Variants in KIF20B observed in about 807,000 individuals in gnomAD.
KIF20B encodes the protein kinesin family member 20B, also known as kinesin-like protein KIF20B.
KIF20B carries 188 observed loss-of-function variants against 232.5 expected under a neutral mutation model. The observed-to-expected ratio is 0.81, with a 90% CI of 0.72 to 0.91. The LOEUF (loss-of-function observed/expected upper bound fraction) is 0.91. Ranked by LOEUF, KIF20B falls within the 40% of genes least tolerant of loss-of-function variation. The pLI, the probability that KIF20B is intolerant of heterozygous loss-of-function variation, is 0.00. For synonymous variants in KIF20B, 712 were observed against 683.0 expected, an observed-to-expected ratio of 1.04 and a Z score of -0.66; for missense variants, 2,154 against 2,055.9, an observed-to-expected ratio of 1.05 and a Z score of -0.92.
intron 24 of KIF20B, among the ~76,000 whole-genome samples, chr10:89,751,676 G>C (rs1216813153): frequency 6.6e-6 from 1 of 151,310 alleles, no homozygotes; most frequent in Non-Finnish European, 1.5e-5. Context: ...AAAGGAGTAA[G>C]GACACTGCAT....
Position 89,725,498 on chromosome 10 carries a change from C to T in KIF20B, c.2001+340C>T, listed in dbSNP as rs149611297. On this transcript the variant is annotated intron_variant, in intron 15 of 32. Transcript: ENST00000371728. ...TTTTAAAGGTGTAAGAGACCTAAGA[C>T]GTCATTTACTTGCTGTTCTGATTAA... Among the ~76,000 whole-genome samples the T allele has an allele frequency of 3.0e-3, 463 of 152,146 alleles. 3 individuals carry two copies. Among genetic ancestry groups the T allele is most frequent in the African/African-American group, 0.01 (429 of 41,530 alleles).
chr10:89,720,793 C>T (rs577588337), intron 13 of KIF20B, among the ~76,000 whole-genome samples: 2 of 152,270 alleles, frequency 1.3e-5, no homozygotes, highest in East Asian at 3.9e-4. Context: ...GCAACCTCTG[C>T]CTCCTGGGTT....
At chr10:89,713,377 AT>A (rs1373197620) in intron 6 of KIF20B, among the ~76,000 whole-genome samples, 13 of 151,282 alleles carry the variant, frequency 8.6e-5, no homozygotes, top group African/African-American at 2.9e-4. Context: ...AAAAAAAAAA[AT>A]TCTAACAAGT....
intron 13 of KIF20B, chr10:89,723,752 G>A: frequency 2.8e-6 from 1 of 350,910 alleles, no homozygotes; most frequent in East Asian, 5.6e-5. Context: ...GTTACCAAAG[G>A]TCTATTTCTA....
chr10:89,758,935 TTGAC>T (rs1435792652), intron 27 of KIF20B, 53 bp downstream of exon 27: 6 of 1,117,716 alleles, frequency 5.4e-6, no homozygotes, highest in Admixed American at 2.9e-5. Flanking sequence ...AATTACTTAA[TTGAC>T]TAACTCTTAA....
chr10:89,702,716 C>A (rs1431053173), intron 1 of KIF20B, among the ~76,000 whole-genome samples: 1 of 150,830 alleles, frequency 6.6e-6, no homozygotes, highest in Non-Finnish European at 1.5e-5. Context: ...GGTCTTGGAG[C>A]CTGCTGTCAC....
intron 23 of KIF20B, among the ~76,000 whole-genome samples, chr10:89,746,160 C>G (rs1478868312): frequency 2.6e-5 from 4 of 152,216 alleles, no homozygotes; most frequent in African/African-American, 7.2e-5. Flanking sequence ...CTGAAGGCCC[C>G]AGTGGGCGTG....
intron 19 of KIF20B, among the ~76,000 whole-genome samples, chr10:89,735,162 A>C (rs1189594878): frequency 6.6e-6 from 1 of 152,220 alleles, no homozygotes; most frequent in Non-Finnish European, 1.5e-5. Flanking sequence ...TGTAACTGGA[A>C]TATGTCAGAT....
chr10:89,715,992 A>AAAATAAATAAATAAAT (rs372772817), intron 8 of KIF20B, among the ~76,000 whole-genome samples: 17,486 of 148,844 alleles, frequency 0.12, 1,102 homozygotes, highest in South Asian at 0.17. Flanking sequence ...CCTTGTCTCC[A>AAAATAAATAAATAAAT]AAATAAATAA....
chr10:89,738,585 A>G lies in KIF20B; in HGVS notation c.3744A>G (p.Glu1248=), dbSNP rs759279576. The stretch of plus-strand genomic sequence containing the variant: ...AACATTTACTTCAATTAAAAGAAGA[A>G]GAAGAAGAAACCAACAGGCAAGAAA... The part of the protein sequence containing the change: ...DMKHLLQLKE[E]EEETNRQETE... Residue 1248 remains glutamate (E), a synonymous_variant, in exon 20 of 33, where the codon GAA becomes GAG. Transcript: ENST00000371728. The G allele has an allele frequency of 5.1e-6, 8 of 1,561,884 alleles. No individual in the cohort carries two copies. The African/African-American group carries it at 1.1e-4, about 22-fold the overall frequency.
At chr10:89,754,338 C>G (rs568632012) in intron 25 of KIF20B, among the ~76,000 whole-genome samples, 180 bp from the exon 26 acceptor site, 1 of 152,020 alleles carries the variant, frequency 6.6e-6, no homozygotes, top group African/African-American at 2.4e-5. Flanking sequence ...TTTAGGAAAG[C>G]AAACCAGTTA....
At chr10:89,732,436 T>A (rs900345810) in intron 18 of KIF20B, among the ~76,000 whole-genome samples, 3 of 151,990 alleles carry the variant, frequency 2.0e-5, no homozygotes, top group African/African-American at 7.3e-5. Context: ...ACTAGCCTTT[T>A]CAAGGGAGGC....
At chr10:89,732,773 T>A (rs1231795077) in intron 18 of KIF20B, 130 bp from the exon 19 acceptor site, 8 of 766,454 alleles carry the variant, frequency 1.0e-5, no homozygotes, top group Non-Finnish European at 1.5e-5. Flanking sequence ...ACTTAAGAAA[T>A]AACTTAGAAA....
Position 89,718,800 on chromosome 10 carries a change from C to T in KIF20B, c.1362C>T (p.Val454=), listed in dbSNP as rs1427674409. 1 of 1,608,600 alleles carries T rather than the reference C, an allele frequency of 6.2e-7. No homozygotes were observed. Among genetic ancestry groups the T allele is most frequent in the Admixed American group, 1.7e-5 (1 of 59,732 alleles). The change falls in exon 12 of 33, where the codon GTC becomes GTT. Residue 454 remains valine, a synonymous_variant. Coordinates refer to ENST00000371728, the MANE Select transcript of KIF20B (RefSeq NM_001284259.2). Reference sequence around the variant, plus strand: ...GTAAAGGGAAAATTTGTATGATTGTCAATATCAGCCAATGTTATTTAGCCT... The same window carrying T: ...GTAAAGGGAAAATTTGTATGATTGTTAATATCAGCCAATGTTATTTAGCCT... The part of the protein sequence containing the change: ...FNGKGKICMI[V]NISQCYLAYD...
intron 23 of KIF20B, among the ~76,000 whole-genome samples, chr10:89,749,239 A>T (rs1372979587): frequency 1.3e-5 from 2 of 152,122 alleles, no homozygotes; most frequent in Non-Finnish European, 2.9e-5. Context: ...TGTGTATGAG[A>T]CATTTCCCTA....
chr10:89,710,471 T>C (rs1842814384), intron 5 of KIF20B, among the ~76,000 whole-genome samples: 2 of 152,198 alleles, frequency 1.3e-5, no homozygotes, highest in Admixed American at 1.3e-4. Flanking sequence ...TCAGGTGATA[T>C]GCCCACCTTG....
intron 27 of KIF20B, among the ~76,000 whole-genome samples, chr10:89,759,780 A>G (rs1842200132): frequency 6.6e-6 from 1 of 152,160 alleles, no homozygotes; most frequent in Non-Finnish European, 1.5e-5. Flanking sequence ...AAATCAATAT[A>G]TGCTAGTTAC....
At chr10:89,745,809 C>G (rs768615371) in intron 22 of KIF20B, 90 bp from the exon 23 acceptor site, 3 of 833,092 alleles carry the variant, frequency 3.6e-6, no homozygotes, top group East Asian at 2.7e-5. Flanking sequence ...TGATTTCAAA[C>G]TTAATATTGA....
chr10:89,772,728 C>G lies in KIF20B; in HGVS notation c.5282C>G (p.Ser1761Ter). 2 of 1,604,286 alleles carry G rather than the reference C, an allele frequency of 1.2e-6. No homozygotes were observed. The highest frequency in any genetic ancestry group is 1.7e-6 in the Non-Finnish European group (2 of 1,173,144). Residue 1761 changes from serine (S) to a stop codon, truncating the protein, a stop_gained, in exon 32 of 33, where the codon TCA becomes TGA. Transcript: ENST00000371728. LOFTEE classifies it high-confidence loss of function. ...IIETMSSSKL[S>*]NVEASKENVS... Reference sequence around the variant, plus strand: ...GAAACAATGAGCTCTTCAAAGCTCTCAAATGTAGAAGCAAGTAAAGAAAAT... The same window carrying G: ...GAAACAATGAGCTCTTCAAAGCTCTGAAATGTAGAAGCAAGTAAAGAAAAT...
Sources: allele counts gnomAD v4.1 joint callset (sites outside exome capture counted in the v4.1 genomes callset), GRCh38; gene constraint gnomAD v4.1.1; transcripts MANE v1.5; gene names NCBI Gene and HGNC (gene_info 2026-07-23, HGNC 2026-07-21).